CLCN1: variants seen among roughly 807,000 people sequenced by gnomAD.
CLCN1 encodes chloride voltage-gated channel 1, also known as chloride channel protein 1.
Under a neutral mutation model 114.5 loss-of-function variants are expected in CLCN1, and 100 were observed. That is an observed-to-expected ratio of 0.87 (90% CI 0.74 to 1.03). The LOEUF (loss-of-function observed/expected upper bound fraction) is 1.03. Among genes scored for constraint, CLCN1 ranks in the 50% least tolerant of loss-of-function variants. The pLI is 0.00. For missense variants in CLCN1, 1,188 were observed against 1,250.0 expected (o/e 0.95, Z 0.75); for synonymous variants, 485 against 487.1 (o/e 1.00, Z 0.06).
intron 18 of CLCN1, 38 bp from the exon 19 acceptor site, chr7:143,346,541 C>A: frequency 6.6e-7 from 1 of 1,513,512 alleles, no homozygotes; most frequent in Non-Finnish European, 9.2e-7. Context: ...TTTCCTGTTG[C>A]TTTGTGTCCA....
Position 143,321,309 on chromosome 7 carries a change from C to T in CLCN1, c.434-56C>T, listed in dbSNP as rs1171350666. Reference sequence around the variant, plus strand: ...ACATGCCGGGTACACGTCCTGGTGCCGTGGACACGGCTGCTCAGCCATGTT... The same window carrying T: ...ACATGCCGGGTACACGTCCTGGTGCTGTGGACACGGCTGCTCAGCCATGTT... On this transcript the variant is annotated intron_variant, in intron 3 of 22. Transcript: ENST00000343257. The surrounding 1 kb of genome is among the most constrained non-coding windows in gnomAD (Gnocchi z 4.2). 26 of 1,606,996 alleles carry T rather than the reference C, an allele frequency of 1.6e-5. No individual in the cohort carries two copies. Among genetic ancestry groups the T allele is most frequent in the African/African-American group, 4.0e-5 (3 of 74,696 alleles).
chr7:143,318,411 C>T (rs559972375), intron 1 of CLCN1, among the ~76,000 whole-genome samples: 14 of 152,060 alleles, frequency 9.2e-5, no homozygotes, highest in South Asian at 4.1e-4. Flanking sequence ...TTAGTAGAGA[C>T]GAGGTTTCTC....
At chr7:143,343,064 A>T (rs539167595) in intron 16 of CLCN1, among the ~76,000 whole-genome samples, 1 of 152,240 alleles carries the variant, frequency 6.6e-6, no homozygotes, top group Non-Finnish European at 1.5e-5. Flanking sequence ...TGTTCCTGTG[A>T]GTCTCTGGTC....
intron 15 of CLCN1, 95 bp downstream of exon 15, chr7:143,342,237 T>A: frequency 6.7e-7 from 1 of 1,487,462 alleles, no homozygotes; most frequent in Non-Finnish European, 9.3e-7. Flanking sequence ...TTGGAAACAC[T>A]GTTTTAAATT....
chr7:143,329,379 G>A (rs1802662772), intron 7 of CLCN1, among the ~76,000 whole-genome samples: 1 of 152,168 alleles, frequency 6.6e-6, no homozygotes, highest in African/African-American at 2.4e-5. Flanking sequence ...AAGGACGGAT[G>A]GTTTCGACCT....
Position 143,342,372 on chromosome 7 carries a change from C to A in CLCN1, c.1797C>A (p.Ser599Arg). ...CCCACCATGCTTTCTCCCTCCATAGCAAATATACCATCTTTGTTGAGGACA... is the reference window on the plus strand; with the variant it reads ...CCCACCATGCTTTCTCCCTCCATAGAAAATATACCATCTTTGTTGAGGACA... ...YLPDLGWNQL[S>R]KYTIFVEDIM... Residue 599 changes from serine (S) to arginine (R), a missense_variant and splice_region_variant, in exon 16 of 23, where the codon AGC (serine) becomes AGA (arginine). Ser to Arg is a moderately radical substitution (Grantham distance 110). Transcript: ENST00000343257. 6.2e-7 allele frequency: 1 copy of A among 1,614,158 alleles called. No homozygotes were observed. Among genetic ancestry groups the A allele is most frequent in the Non-Finnish European group, 8.5e-7 (1 of 1,180,012 alleles).
At position 143,339,894 on chromosome 7, in the gene CLCN1, G is replaced by A. The variant is rs1238534837; in HGVS notation, c.1582+273G>A. Among the ~76,000 whole-genome samples the A allele has an allele frequency of 6.6e-6, 1 of 152,160 alleles. No individual in the cohort carries two copies. Among genetic ancestry groups the A allele is most frequent in the Non-Finnish European group, 1.5e-5 (1 of 68,030 alleles). ...AGGATTGTGTCTGGATGTTTGATAA[G>A]GGTTCTGTCTTTCCTTCCCAAGAAT... On this transcript the variant is annotated intron_variant, in intron 14 of 22. Coordinates refer to ENST00000343257, the MANE Select transcript of CLCN1 (RefSeq NM_000083.3). This position sits in a 1 kb window ranked among gnomAD's most constrained non-coding sequence, Gnocchi z 4.1.
At position 143,339,683 on chromosome 7, in the gene CLCN1, A is replaced by G. The variant is rs1255148827; in HGVS notation, c.1582+62A>G. The G allele has an allele frequency of 3.0e-6, 3 of 1,014,176 alleles. No homozygotes were observed. The highest frequency in any genetic ancestry group is 4.7e-6 in the Non-Finnish European group (3 of 634,816). 62.8% of individuals were successfully genotyped at this position (1,014,176 alleles called of 1,614,324 possible). On this transcript the variant is annotated intron_variant, in intron 14 of 22. Transcript: ENST00000343257. The surrounding 1 kb of genome is among the most constrained non-coding windows in gnomAD (Gnocchi z 4.1). ...GAGTACTTCAGATCCCCACACTTAA[A>G]CTCTCCCATTGGATCTTCATTCTAG...
At chr7:143,317,244 CTTT>C (rs1207676166) in intron 1 of CLCN1, among the ~76,000 whole-genome samples, 4 of 113,762 alleles carry the variant, frequency 3.5e-5, no homozygotes, top group Non-Finnish European at 3.5e-5. Flanking sequence ...TTGGCCAGAA[CTTT>C]TTTTTTTTTT....
rs1802306285 is a variant in CLCN1 at position 143,317,039 on chromosome 7, T to A, written c.180+647T>A. Among the ~76,000 whole-genome samples, 3 of 152,030 alleles carry A rather than the reference T, an allele frequency of 2.0e-5. No homozygotes were observed. In the South Asian group the frequency reaches 6.2e-4, roughly 32 times the overall value. Reference sequence around the variant, plus strand: ...AGCATGCAGGCTAATTAGGAGTGTCTATGGATGAGCAGCCTCCCGCTGTGG... The same window carrying A: ...AGCATGCAGGCTAATTAGGAGTGTCAATGGATGAGCAGCCTCCCGCTGTGG... On this transcript the variant is annotated intron_variant, in intron 1 of 22. Transcript: ENST00000343257.
intron 12 of CLCN1, among the ~76,000 whole-genome samples, chr7:143,334,536 C>A (rs1802820068): frequency 1.3e-5 from 2 of 152,116 alleles, no homozygotes; most frequent in South Asian, 4.1e-4. Flanking sequence ...AATATTTCAT[C>A]ATTAACCTTT....
rs143506735 is a variant in CLCN1, at chr7:143,321,747, C to T, written c.595C>T (p.Arg199Cys). ...SGIPEMKTILRGVVLKEYLTM... is the reference protein window; with the variant it reads ...SGIPEMKTILCGVVLKEYLTM... The stretch of plus-strand genomic sequence containing the variant: ...AATCCCCGAAATGAAGACAATACTT[C>T]GTGGGGTTGTCCTGAAGGAATACCT... Residue 199 changes from arginine to cysteine, a missense_variant, in exon 5 of 23, where the codon CGT becomes TGT. By Grantham distance (180) the Arg-to-Cys change is radical. Transcript: ENST00000343257. This position sits in a 1 kb window ranked among gnomAD's most constrained non-coding sequence, Gnocchi z 4.2. The T allele has an allele frequency of 6.6e-5, 107 of 1,614,082 alleles. No homozygotes were observed. Among genetic ancestry groups the T allele is most frequent in the Non-Finnish European group, 8.6e-5 (101 of 1,180,016 alleles).
In CLCN1 at chr7:143,329,393, G is replaced by A. The variant is rs762949382; in HGVS notation, c.854-1379G>A. Among the ~76,000 whole-genome samples the A allele has an allele frequency of 6.6e-5, 10 of 152,210 alleles. No individual in the cohort carries two copies. In the South Asian group the frequency reaches 1.7e-3, roughly 25 times the overall value. On this transcript the variant is annotated intron_variant, in intron 7 of 22. Coordinates refer to ENST00000343257, the MANE Select transcript of CLCN1 (RefSeq NM_000083.3). ...GAAGGACGGATGGTTTCGACCTGAAGAGGAGGATTGGGGATGGCTTCCCAG... is the reference window on the plus strand; with the variant it reads ...GAAGGACGGATGGTTTCGACCTGAAAAGGAGGATTGGGGATGGCTTCCCAG...
chr7:143,324,562 A>T lies in CLCN1; in HGVS notation c.853+70A>T, dbSNP rs531324480. ...GGCTCCCAAAACAGTTTTAATCAGT[A>T]TCCACAAGTGCTGGTATTACCAGGT... On this transcript the variant is annotated intron_variant, in intron 7 of 22. Coordinates refer to ENST00000343257, the MANE Select transcript of CLCN1 (RefSeq NM_000083.3). This position sits in a 1 kb window ranked among gnomAD's most constrained non-coding sequence, Gnocchi z 4.6. The T allele has an allele frequency of 8.8e-7, 1 of 1,142,244 alleles. No individual in the cohort carries two copies. The highest frequency in any genetic ancestry group is 1.3e-6 in the Non-Finnish European group (1 of 752,238). The allele number at this position is 1,142,244 out of a possible 1,614,324, so 70.8% of individuals were successfully genotyped here.
At chr7:143,340,111 TA>T (rs1803038909) in intron 14 of CLCN1, among the ~76,000 whole-genome samples, 1 of 152,204 alleles carries the variant, frequency 6.6e-6, no homozygotes. Context: ...TTCTTTATTC[TA>T]AAATGACTTC....
At chr7:143,328,238 G>GA (rs11373016) in intron 7 of CLCN1, among the ~76,000 whole-genome samples, 131,041 of 151,992 alleles carry the variant, frequency 0.86, 56,838 homozygotes, top group Admixed American at 0.93. Context: ...AGGTGTAGTT[G>GA]TGGCATGAGC....
intron 20 of CLCN1, among the ~76,000 whole-genome samples, chr7:143,347,769 TG>T (rs1654815557): frequency 1.3e-5 from 2 of 151,858 alleles, no homozygotes; most frequent in African/African-American, 4.8e-5. Flanking sequence ...AAGAAAATAA[TG>T]ACCACGGTGC....
chr7:143,318,086 A>G (rs1802333893), intron 1 of CLCN1, among the ~76,000 whole-genome samples: 1 of 152,216 alleles, frequency 6.6e-6, no homozygotes, highest in Non-Finnish European at 1.5e-5. Flanking sequence ...GAAGACTTAC[A>G]CAAAAATGGA....
intron 8 of CLCN1, 26 bp from the exon 9 acceptor site, chr7:143,331,206 G>C (rs371875551): frequency 6.5e-7 from 1 of 1,536,954 alleles, no homozygotes; most frequent in Admixed American, 1.7e-5. Context: ...AGCTCCCATC[G>C]TAATACTGGC....
Sources: gnomAD v4.1 joint callset for allele counts (sites outside exome capture counted in the v4.1 genomes callset) on GRCh38, gnomAD v4.1.1 for gene constraint, Gnocchi (gnomAD v3.1) non-coding constraint, MANE v1.5 for transcripts, NCBI Gene and HGNC (gene_info 2026-07-23, HGNC 2026-07-21) for gene names.